Variants in ASMT observed in about 807,000 individuals in gnomAD.
ASMT encodes acetylserotonin O-methyltransferase.
ASMT carries 53 observed loss-of-function variants against 41.3 expected under a neutral mutation model. The ratio of observed to expected loss-of-function variants is 1.28; its 90% CI spans 1.03 to 1.61. The LOEUF (loss-of-function observed/expected upper bound fraction) is 1.61. Among genes scored for constraint, ASMT ranks in the 40% most tolerant of loss-of-function variants. ASMT has a pLI of 0.00. For synonymous variants in ASMT, 231 were observed against 184.8 expected (o/e 1.25, Z -2.03); for missense variants, 531 against 441.3 (o/e 1.20, Z -1.82).
intron 1 of ASMT, among the ~76,000 whole-genome samples, chrX:1,622,586 G>T (rs1214905259): frequency 6.6e-6 from 1 of 151,950 alleles, no homozygotes. Context: ...CACCCAGCCA[G>T]GAGACATTTT....
At chrX:1,637,133 C>T in intron 8 of ASMT, among the ~76,000 whole-genome samples, 1 of 79,712 alleles carries the variant, frequency 1.3e-5, no homozygotes, top group South Asian at 4.8e-4. Context: ...CATCCTGATG[C>T]TTCACGAGGA....
At chrX:1,636,369 C>G (rs1284974616) in intron 7 of ASMT, 69 bp from the exon 8 acceptor site, 2 of 1,612,500 alleles carry the variant, frequency 1.2e-6, no homozygotes, top group South Asian at 1.1e-5. Context: ...ACCTTTTGTG[C>G]CCAGAATAGG....
At chrX:1,625,930 G>C (rs1457349208) in intron 3 of ASMT, among the ~76,000 whole-genome samples, 3 of 142,780 alleles carry the variant, frequency 2.1e-5, no homozygotes, top group Non-Finnish European at 3.0e-5. Context: ...ACTCCAGCCT[G>C]GGCGACAGAG....
At position 1,627,573 on chromosome X, in the gene ASMT, A is replaced by G. The variant is rs1265105046; in HGVS notation, c.375-130A>G. 5 of 952,216 alleles carry G rather than the reference A, an allele frequency of 5.3e-6. No individual in the cohort carries two copies. The African/African-American group carries it at 6.3e-5, about 12-fold the overall frequency. The allele number at this position is 952,216 out of a possible 1,614,324, so 59.0% of individuals were successfully genotyped here. On this transcript the variant is annotated intron_variant, in intron 3 of 8. Transcript: ENST00000381241. ...AAGGCAGAGGTTGCAGTGAGCCGAGATCGTGCCATTGCACTCCAGCCTGGG... is the reference window on the plus strand; with the variant it reads ...AAGGCAGAGGTTGCAGTGAGCCGAGGTCGTGCCATTGCACTCCAGCCTGGG...
At chrX:1,642,713 A>AG (rs1372444009) in intron 8 of ASMT, 90 bp from the exon 9 acceptor site, 56 of 1,202,902 alleles carry the variant, frequency 4.7e-5, no homozygotes, top group Non-Finnish European at 6.7e-5. Flanking sequence ...CTGTCCTCTG[A>AG]GGTCTGGCTG....
At chrX:1,616,834 G>C (rs192575956) in intron 1 of ASMT, among the ~76,000 whole-genome samples, 5 of 150,892 alleles carry the variant, frequency 3.3e-5, no homozygotes, top group African/African-American at 7.3e-5. Context: ...TCAGCCTCCC[G>C]AGTAGCTGGG....
chrX:1,630,903 GTATT>G (rs1457609775), intron 5 of ASMT, among the ~76,000 whole-genome samples: 4 of 99,512 alleles, frequency 4.0e-5, no homozygotes, highest in Admixed American at 1.1e-4. Flanking sequence ...TTATTTACTT[GTATT>G]TATTTATTTA....
chrX:1,615,319 T>C, intron 1 of ASMT, 51 bp downstream of exon 1: 2 of 1,470,304 alleles, frequency 1.4e-6, no homozygotes, highest in Non-Finnish European at 1.9e-6. Flanking sequence ...TTCATCACAC[T>C]CACGTTCCAT....
chrX:1,640,491 C>A (rs1450117078), intron 8 of ASMT, among the ~76,000 whole-genome samples: 3 of 53,358 alleles, frequency 5.6e-5, no homozygotes, highest in African/African-American at 4.5e-4. Context: ...CTGTGAGGTC[C>A]ACCCATCCTG....
chrX:1,629,219 G>T (rs118181965), intron 4 of ASMT, among the ~76,000 whole-genome samples: 2,216 of 152,254 alleles, frequency 0.015, 63 homozygotes, highest in African/African-American at 0.051. Context: ...CCCATCACCT[G>T]AATAGTGACC....
At chrX:1,627,447 C>G (rs182275572) in intron 3 of ASMT, among the ~76,000 whole-genome samples, 10 of 151,978 alleles carry the variant, frequency 6.6e-5, no homozygotes, top group Non-Finnish European at 1.0e-4. Flanking sequence ...CATGGTGAAA[C>G]CTGTCTCCAC....
intron 8 of ASMT, among the ~76,000 whole-genome samples, chrX:1,641,878 T>G (rs1233956757): frequency 6.8e-6 from 1 of 146,612 alleles, no homozygotes; most frequent in Non-Finnish European, 1.5e-5. Context: ...AGTGTCCCAG[T>G]GTCCTGTGAG....
At chrX:1,616,103 A>G (rs112791252) in intron 1 of ASMT, among the ~76,000 whole-genome samples, 2 of 149,734 alleles carry the variant, frequency 1.3e-5, no homozygotes, top group South Asian at 2.1e-4. Flanking sequence ...GTCTTGGCTC[A>G]CTGCAACCTC....
At chrX:1,631,974 G>T (rs191482218) in intron 5 of ASMT, among the ~76,000 whole-genome samples, 1 of 152,090 alleles carries the variant, frequency 6.6e-6, no homozygotes, top group Non-Finnish European at 1.5e-5. Flanking sequence ...GCTTGTACCC[G>T]GGAAGTGAAG....
At chrX:1,616,596 C>G (rs1934121971) in intron 1 of ASMT, among the ~76,000 whole-genome samples, 1 of 151,420 alleles carries the variant, frequency 6.6e-6, no homozygotes, top group Non-Finnish European at 1.5e-5. Flanking sequence ...GATGGCCGGG[C>G]TCAGCGGTGA....
chrX:1,620,651 T>C (rs1323849270), intron 1 of ASMT, among the ~76,000 whole-genome samples: 2 of 151,680 alleles, frequency 1.3e-5, no homozygotes, highest in Non-Finnish European at 2.9e-5. Context: ...AAACAACTAA[T>C]ACACTTTGGG....
chrX:1,642,717 C>A (rs1935237289), intron 8 of ASMT, 86 bp from the exon 9 acceptor site: 3 of 1,269,874 alleles, frequency 2.4e-6, no homozygotes, highest in Non-Finnish European at 3.4e-6. Context: ...CCTCTGAGGT[C>A]TGGCTGTCCT....
intron 1 of ASMT, among the ~76,000 whole-genome samples, chrX:1,616,387 T>G (rs1934110974): frequency 6.6e-6 from 1 of 151,386 alleles, no homozygotes; most frequent in African/African-American, 2.4e-5. Flanking sequence ...ATATGAAATG[T>G]GCAGAGCAGG....
intron 3 of ASMT, among the ~76,000 whole-genome samples, chrX:1,626,091 G>C (rs1474944864): frequency 6.6e-6 from 1 of 151,892 alleles, no homozygotes; most frequent in African/African-American, 2.4e-5. Context: ...ATCTGACTTG[G>C]TTCTCTCCTG....
Sources: gnomAD v4.1 joint callset for allele counts (sites outside exome capture counted in the v4.1 genomes callset) on GRCh38, gnomAD v4.1.1 for gene constraint, MANE v1.5 for transcripts, NCBI Gene and HGNC (gene_info 2026-07-23, HGNC 2026-07-21) for gene names.